Variants in MYO9B observed in about 807,000 individuals in gnomAD.
MYO9B encodes the protein myosin IXB, also known as unconventional myosin-IXb.
Under a neutral mutation model 229.5 loss-of-function variants are expected in MYO9B, and 71 were observed. That is an observed-to-expected ratio of 0.31 (90% CI 0.26 to 0.38). The LOEUF is 0.38. Ranked by LOEUF, MYO9B falls within the 10% of genes least tolerant of loss-of-function variation. MYO9B has a pLI of 1.00. For missense variants in MYO9B, 2,255 were observed against 2,920.5 expected, an observed-to-expected ratio of 0.77 and a Z score of 5.25; for synonymous variants, 1,185 against 1,235.8, an observed-to-expected ratio of 0.96 and a Z score of 0.86.
At position 17,172,800 on chromosome 19, in the gene MYO9B, C is replaced by T. The variant is rs778585146; in HGVS notation, c.1977C>T (p.Ile659=). 15 of 1,613,272 alleles carry T rather than the reference C, an allele frequency of 9.3e-6. No homozygotes were observed. The Admixed American group carries it at 2.2e-4, about 23-fold the overall frequency. Residue 659 remains isoleucine, a synonymous_variant, in exon 13 of 40, where the codon ATC becomes ATT. Transcript: ENST00000682292. The surrounding 1 kb of genome is among the most constrained non-coding windows in gnomAD (Gnocchi z 8.2). ...ACATGGACTACATGCGGCCAGACAT[C>T]GTGGCCCTGCTGCGGGGCAGTGACA... is the stretch of plus-strand genomic sequence containing the variant. ...EKNMDYMRPD[I]VALLRGSDSS... is the part of the protein sequence containing the mutation.
chr19:17,097,465 T>C (rs1472651003), intron 1 of MYO9B, among the ~76,000 whole-genome samples: 4 of 152,144 alleles, frequency 2.6e-5, no homozygotes, highest in African/African-American at 9.7e-5. Flanking sequence ...TGCACTGACA[T>C]ATCAAGGAAA....
chr19:17,165,607 GA>G (rs1036093541), intron 10 of MYO9B, among the ~76,000 whole-genome samples: 51 of 151,804 alleles, frequency 3.4e-4, no homozygotes, highest in African/African-American at 1.1e-3. Flanking sequence ...GAGTTTCTGC[GA>G]AAAAAAATTT....
chr19:17,206,190 C>T (rs771208990), intron 32 of MYO9B, 38 bp downstream of exon 32: 5 of 1,604,852 alleles, frequency 3.1e-6, no homozygotes, highest in Non-Finnish European at 4.2e-6. Flanking sequence ...TGCCAGGCCC[C>T]AGGCACAGCC....
At chr19:17,137,933 G>A in intron 2 of MYO9B, among the ~76,000 whole-genome samples, 1 of 150,904 alleles carries the variant, frequency 6.6e-6, no homozygotes, top group Non-Finnish European at 1.5e-5. Context: ...TTAAGTTCTG[G>A]GATACATGTG....
chr19:17,193,040 C>T lies in MYO9B; in HGVS notation c.3106C>T (p.Arg1036Trp), dbSNP rs1220615792. ...CATCATCCGCCTGCAGAGCCTGTGTCGGGGGCACCTGCAGCGCAAGAGGTG... is the reference window on the plus strand; with the variant it reads ...CATCATCCGCCTGCAGAGCCTGTGTTGGGGGCACCTGCAGCGCAAGAGGTG... ...QSIIRLQSLC[R>W]GHLQRKSFSQ... is the part of the protein sequence containing the mutation. Residue 1036 changes from arginine to tryptophan, a missense_variant, in exon 21 of 40, where the codon CGG (arginine) becomes TGG (tryptophan). Physicochemically the swap from Arg to Trp is moderately radical, Grantham distance 101. Around this residue, in one of 7 missense-constraint regions of MYO9B, gnomAD observed 679 missense variants for 770.2 expected, o/e 0.88. Transcript: ENST00000682292. This position sits in a 1 kb window ranked among gnomAD's most constrained non-coding sequence, Gnocchi z 4.3. The T allele has an allele frequency of 8.9e-6, 13 of 1,468,648 alleles. No homozygotes were observed. The highest frequency in any genetic ancestry group is 4.2e-5 in the African/African-American group (3 of 71,424). The allele number at this position is 1,468,648 out of a possible 1,614,324, so 91.0% of individuals were successfully genotyped here.
At chr19:17,136,321 G>C (rs1209014652) in intron 2 of MYO9B, among the ~76,000 whole-genome samples, 2 of 152,122 alleles carry the variant, frequency 1.3e-5, no homozygotes, top group African/African-American at 4.8e-5. Context: ...CCAAGGAGAC[G>C]AGTCAGTGCC....
chr19:17,116,763 G>T (rs2057908134), intron 2 of MYO9B, among the ~76,000 whole-genome samples: 1 of 152,086 alleles, frequency 6.6e-6, no homozygotes, highest in Non-Finnish European at 1.5e-5. Flanking sequence ...TGTCTTTGGT[G>T]GGTATGGAGA....
chr19:17,174,307 A>G (rs113780639), intron 13 of MYO9B, among the ~76,000 whole-genome samples: 3,198 of 152,110 alleles, frequency 0.021, 116 homozygotes, highest in African/African-American at 0.071. Context: ...CTGGGATTAC[A>G]GGCGTGAGCC....
At chr19:17,119,805 C>G (rs902085034) in intron 2 of MYO9B, among the ~76,000 whole-genome samples, 6 of 152,156 alleles carry the variant, frequency 3.9e-5, no homozygotes. Context: ...GCACCACCAC[C>G]ATGGCCGGCT....
intron 24 of MYO9B, among the ~76,000 whole-genome samples, chr19:17,198,784 T>C (rs1311026975): frequency 2.1e-5 from 3 of 145,416 alleles, no homozygotes; most frequent in Non-Finnish European, 4.5e-5. Context: ...CCTTCCTGCC[T>C]CTTCTGGCTT....
chr19:17,201,123 C>G (rs1470401412), intron 26 of MYO9B, among the ~76,000 whole-genome samples: 1 of 152,200 alleles, frequency 6.6e-6, no homozygotes, highest in East Asian at 1.9e-4. Flanking sequence ...GTAGTCCCAG[C>G]TCCTGGGGGC....
intron 19 of MYO9B, among the ~76,000 whole-genome samples, chr19:17,189,527 G>C (rs965807061): frequency 6.6e-6 from 1 of 152,024 alleles, no homozygotes. Context: ...AGCTACTTGC[G>C]GGGCTGAGGC....
Position 17,192,931 on chromosome 19 carries a change from G to A in MYO9B, c.2997G>A (p.Leu999=), listed in dbSNP as rs1203835677. The stretch of plus-strand genomic sequence containing the variant: ...GGTCCTACCGGGTCCGGAGGGCGCT[G>A]GAGAGGACGCAGGCTGCCGTGTACC... ...CWRSYRVRRA[L]ERTQAAVYLQ... Residue 999 remains leucine (L), a synonymous_variant, in exon 21 of 40, where the codon CTG becomes CTA. Transcript: ENST00000682292. The A allele has an allele frequency of 1.3e-6, 2 of 1,548,698 alleles. No individual in the cohort carries two copies. Among genetic ancestry groups the A allele is most frequent in the Admixed American group, 2.0e-5 (1 of 50,990 alleles).
chr19:17,191,358 G>A (rs2072983466), intron 20 of MYO9B, 139 bp downstream of exon 20: 1 of 1,185,184 alleles, frequency 8.4e-7, no homozygotes, highest in South Asian at 1.6e-5. Context: ...GGACCCAGCA[G>A]AGCACTGCAC....
intron 2 of MYO9B, among the ~76,000 whole-genome samples, chr19:17,106,154 C>T (rs2057791413): frequency 1.3e-5 from 2 of 152,054 alleles, no homozygotes; most frequent in African/African-American, 4.8e-5. Context: ...CACCACCATG[C>T]CCGGCTAATT....
intron 1 of MYO9B, among the ~76,000 whole-genome samples, chr19:17,089,956 C>G (rs1161371157): frequency 6.6e-6 from 1 of 151,976 alleles, no homozygotes; most frequent in African/African-American, 2.4e-5. Flanking sequence ...CTCCTGACAA[C>G]GACTCATCAC....
Position 17,195,254 on chromosome 19 carries a change from G to A in MYO9B, c.3827G>A (p.Ser1276Asn), listed in dbSNP as rs771210428. The part of the protein sequence containing the change: ...GSAPETPEDK[S>N]KPCGSPRVQE... Reference sequence around the variant, plus strand: ...GCCCCCGAGACCCCCGAGGACAAGAGCAAACCATGTGGCAGCCCAAGGGTT... The same window carrying A: ...GCCCCCGAGACCCCCGAGGACAAGAACAAACCATGTGGCAGCCCAAGGGTT... The change falls in exon 22 of 40, where the codon AGC becomes AAC. Residue 1276 changes from serine to asparagine, a missense_variant. By Grantham distance (46) the Ser-to-Asn change is conservative (BLOSUM62 1). Transcript: ENST00000682292. This position sits in a 1 kb window ranked among gnomAD's most constrained non-coding sequence, Gnocchi z 4.5. 6.2e-7 allele frequency: 1 copy of A among 1,612,374 alleles called. No individual in the cohort carries two copies. The highest frequency in any genetic ancestry group is 8.5e-7 in the Non-Finnish European group (1 of 1,179,632).
At chr19:17,084,925 C>T (rs1039532583) in intron 1 of MYO9B, among the ~76,000 whole-genome samples, 3 of 151,936 alleles carry the variant, frequency 2.0e-5, no homozygotes, top group Admixed American at 6.6e-5. Flanking sequence ...AAACATGTCT[C>T]GGGACAGAGG....
chr19:17,106,950 G>C (rs10421381), intron 2 of MYO9B, among the ~76,000 whole-genome samples: 114,022 of 152,128 alleles, frequency 0.75, 43,259 homozygotes, highest in African/African-American at 0.85. Context: ...ATAATCCCAG[G>C]TACTTCGGAG....
Sources: gnomAD v4.1 joint callset for allele counts (sites outside exome capture counted in the v4.1 genomes callset) on GRCh38, gnomAD v4.1.1 for gene constraint, gnomAD v4.1.1 regional missense constraint, Gnocchi (gnomAD v3.1) non-coding constraint, MANE v1.5 for transcripts, NCBI Gene and HGNC (gene_info 2026-07-23, HGNC 2026-07-21) for gene names.